Variants in DHX32 observed in about 807,000 individuals in gnomAD.
DHX32 encodes the protein DEAH-box helicase 32 (putative).
DHX32 carries 51 observed loss-of-function variants against 70.0 expected under a neutral mutation model. The ratio of observed to expected loss-of-function variants is 0.73; its 90% CI spans 0.58 to 0.92. The LOEUF is 0.92. Ranked by LOEUF, DHX32 falls within the 40% of genes least tolerant of loss-of-function variation. The pLI, the probability that DHX32 is intolerant of heterozygous loss-of-function variation, is 0.00. For missense variants in DHX32, 762 were observed against 891.8 expected (o/e 0.85, Z 1.85); for synonymous variants, 310 against 315.3 (o/e 0.98, Z 0.18).
In DHX32 at chr10:125,852,399, T is replaced by C. The variant is rs763853674; in HGVS notation, c.1245A>G (p.Pro415=). ...TEEFASKDMT[P]LKPAEMQEAN... is the part of the protein sequence containing the mutation. ...CTTCCTGCATTTCTGCTGGCTTCAGTGGCGTCATGTCTTTGGAGGCAAATT... is the reference window on the plus strand; with the variant it reads ...CTTCCTGCATTTCTGCTGGCTTCAGCGGCGTCATGTCTTTGGAGGCAAATT... The change falls in exon 6 of 11, where the codon CCA becomes CCG. Residue 415 remains proline, a synonymous_variant. Transcript: ENST00000284690. 1 of 1,614,228 alleles carries C rather than the reference T, an allele frequency of 6.2e-7. No homozygotes were observed. Among genetic ancestry groups the C allele is most frequent in the Admixed American group, 1.7e-5 (1 of 60,032 alleles).
chr10:125,892,040 G>T (rs532954247), intron 1 of DHX32, among the ~76,000 whole-genome samples: 5 of 151,956 alleles, frequency 3.3e-5, no homozygotes, highest in East Asian at 1.9e-4. Context: ...ACTACTTATG[G>T]GACCTCCCAA....
intron 2 of DHX32, among the ~76,000 whole-genome samples, chr10:125,860,873 C>G (rs1944183321): frequency 6.7e-6 from 1 of 149,148 alleles, no homozygotes; most frequent in African/African-American, 2.5e-5. Flanking sequence ...CTGCCTCAGC[C>G]TCCAGAGTAG....
intron 1 of DHX32, among the ~76,000 whole-genome samples, chr10:125,888,807 C>T (rs1187615934): frequency 1.3e-5 from 2 of 152,290 alleles, no homozygotes; most frequent in Non-Finnish European, 2.9e-5. Flanking sequence ...TGCCTGTAAC[C>T]CCAGAACTTT....
intron 9 of DHX32, among the ~76,000 whole-genome samples, 188 bp from the exon 10 acceptor site, chr10:125,838,575 C>T (rs1363898084): frequency 6.6e-6 from 1 of 152,194 alleles, no homozygotes; most frequent in Non-Finnish European, 1.5e-5. Flanking sequence ...AACTTTGAGA[C>T]AGTGATGTTA....
intron 1 of DHX32, among the ~76,000 whole-genome samples, chr10:125,873,028 G>A (rs1589716181): frequency 6.6e-6 from 1 of 152,198 alleles, no homozygotes; most frequent in South Asian, 2.1e-4. Context: ...AGGTTGGGCT[G>A]CTGGGTAGTG....
intron 6 of DHX32, among the ~76,000 whole-genome samples, chr10:125,845,939 C>T (rs1160629733): frequency 6.6e-6 from 1 of 152,238 alleles, no homozygotes; most frequent in African/African-American, 2.4e-5. Flanking sequence ...CTTTGACAGC[C>T]ACAGGCACCT....
intron 7 of DHX32, chr10:125,841,312 G>A: frequency 6.2e-7 from 1 of 1,614,174 alleles, no homozygotes; most frequent in Non-Finnish European, 8.5e-7. Context: ...ATTGGAACCA[G>A]TTCCGATACA....
At chr10:125,842,921 A>G in intron 6 of DHX32, 2 of 393,738 alleles carry the variant, frequency 5.1e-6, no homozygotes, top group Non-Finnish European at 6.9e-6. Context: ...AAAGAAATAT[A>G]TTCTCTTTGT....
intron 1 of DHX32, among the ~76,000 whole-genome samples, chr10:125,893,390 C>T (rs1353350188): frequency 6.6e-6 from 1 of 152,164 alleles, no homozygotes; most frequent in Admixed American, 6.5e-5. Flanking sequence ...ACTACGGGCG[C>T]CCGCCACCAT....
chr10:125,838,787 G>A (rs1000479301), intron 9 of DHX32, among the ~76,000 whole-genome samples: 2 of 152,216 alleles, frequency 1.3e-5, no homozygotes, highest in Non-Finnish European at 2.9e-5. Context: ...AATCCATAAT[G>A]ATATGTCATT....
intron 2 of DHX32, among the ~76,000 whole-genome samples, chr10:125,864,929 CAAAAAAAAAAAAAAAAAAAAAAAAAAAAA>C (rs61570718): frequency 1.8e-5 from 1 of 54,212 alleles, no homozygotes; most frequent in African/African-American, 7.3e-5. Flanking sequence ...GACTCTGTCT[CAAAAAAAAAAAAAAAAAAAAAAAAAAAAA>C]AAAAAAAAAG....
chr10:125,871,098 G>A (rs1944253178), intron 1 of DHX32, among the ~76,000 whole-genome samples: 1 of 152,120 alleles, frequency 6.6e-6, no homozygotes, highest in African/African-American at 2.4e-5. Flanking sequence ...TCTGATTTGG[G>A]CCTTTTTTAA....
intron 1 of DHX32, among the ~76,000 whole-genome samples, chr10:125,873,644 A>G (rs1057313503): frequency 6.6e-6 from 1 of 152,198 alleles, no homozygotes; most frequent in Non-Finnish European, 1.5e-5. Context: ...TAAGTTTGCA[A>G]GTCTTAATGG....
At chr10:125,842,094 A>G (rs946646899) in intron 6 of DHX32, 160 bp from the exon 7 acceptor site, 7 of 992,162 alleles carry the variant, frequency 7.1e-6, no homozygotes, top group Non-Finnish European at 6.9e-6. Flanking sequence ...AAGGATAGTG[A>G]TTCTTGAGAG....
Position 125,839,052 on chromosome 10 carries a change from C to T in DHX32, c.1830G>A (p.Lys610=). ...CTTTCTTTATGTTTAGAGTGTTTTC[C>T]TTGGAGCCAAAAGCAGGTTCTGCAT... The part of the protein sequence containing the change: ...LPYAEPAFGS[K]ENTLNIKKAL... Residue 610 remains lysine, a synonymous_variant, in exon 9 of 11, where the codon AAG becomes AAA. Transcript: ENST00000284690. The T allele has an allele frequency of 6.2e-7, 1 of 1,614,198 alleles. No homozygotes were observed. The highest frequency in any genetic ancestry group is 2.2e-5 in the East Asian group (1 of 44,890).
chr10:125,876,397 T>C (rs1000962300), intron 1 of DHX32, among the ~76,000 whole-genome samples: 1 of 152,230 alleles, frequency 6.6e-6, no homozygotes, highest in African/African-American at 2.4e-5. Context: ...CATTGGGTGG[T>C]TACAAATGTA....
chr10:125,894,330 A>T (rs10794034), intron 1 of DHX32, among the ~76,000 whole-genome samples: 58,243 of 151,978 alleles, frequency 0.38, 11,540 homozygotes, highest in Non-Finnish European at 0.44. Flanking sequence ...CACTCATTCA[A>T]CAAACATTTA....
intron 1 of DHX32, among the ~76,000 whole-genome samples, chr10:125,867,597 G>A (rs963709592): frequency 2.0e-5 from 3 of 152,050 alleles, no homozygotes; most frequent in Non-Finnish European, 2.9e-5. Context: ...TTAGCTAGGC[G>A]TGGTGGCGGG....
At chr10:125,855,640 C>T (rs1372368926) in intron 3 of DHX32, among the ~76,000 whole-genome samples, 5 of 151,812 alleles carry the variant, frequency 3.3e-5, no homozygotes, top group Admixed American at 6.6e-5. Flanking sequence ...TTAGTAGAGA[C>T]GGGGCTTCAC....
Sources: allele counts gnomAD v4.1 joint callset (sites outside exome capture counted in the v4.1 genomes callset), GRCh38; gene constraint gnomAD v4.1.1; transcripts MANE v1.5; gene names NCBI Gene and HGNC (gene_info 2026-07-23, HGNC 2026-07-21).